The following CPLANE1 variants were observed in gnomAD, a reference collection of about 807,000 sequenced individuals.
The protein encoded by CPLANE1 is ciliogenesis and planar polarity effector 1.
CPLANE1 carries 263 observed loss-of-function variants against 362.5 expected under a neutral mutation model. The ratio of observed to expected loss-of-function variants is 0.73; its 90% CI spans 0.66 to 0.80. The LOEUF is 0.80. CPLANE1 is among the 30% of genes least tolerant of loss of function. The pLI is 0.00. For synonymous variants in CPLANE1, 1,212 were observed against 1,302.6 expected, an observed-to-expected ratio of 0.93 and a Z score of 1.50; for missense variants, 3,461 against 3,793.4, an observed-to-expected ratio of 0.91 and a Z score of 2.30.
chr5:37,244,550 A>AAGAAT lies in CPLANE1; in HGVS notation c.394_395insATTCT (p.Ile132AsnfsTer3). On this transcript the variant is annotated frameshift_variant, in exon 5 of 53. Coordinates refer to ENST00000651892, the MANE Select transcript of CPLANE1 (RefSeq NM_001384732.1). The stretch of plus-strand genomic sequence containing the variant: ...AAGAAATATGCATCCAGAAGGTGTT[A>AAGAAT]TGAGCACAATTCTTTTCCCATTTCC... 1 of 1,551,768 alleles carries AAGAAT rather than the reference A, an allele frequency of 6.4e-7. No homozygotes were observed. The highest frequency in any genetic ancestry group is 8.7e-7 in the Non-Finnish European group (1 of 1,146,992).
chr5:37,220,633 C>T (rs1462172870), intron 15 of CPLANE1, among the ~76,000 whole-genome samples: 2 of 152,032 alleles, frequency 1.3e-5, no homozygotes, highest in Admixed American at 1.3e-4. Flanking sequence ...AGGTTCATGC[C>T]ATTCTCCTGC....
the CPLANE1 span, among the ~76,000 whole-genome samples, chr5:37,087,394 G>A: frequency 6.6e-6 from 1 of 152,126 alleles, no homozygotes; most frequent in African/African-American, 2.4e-5. Context: ...ATAACAGAGA[G>A]GAAATGGAGG....
chr5:37,241,158 TA>T (rs1025850017), intron 6 of CPLANE1, among the ~76,000 whole-genome samples: 1 of 149,936 alleles, frequency 6.7e-6, no homozygotes, highest in African/African-American at 2.5e-5. Flanking sequence ...AAATAAAAAA[TA>T]AAATGTAGAG....
chr5:37,160,973 T>C (rs1050805780), intron 38 of CPLANE1, among the ~76,000 whole-genome samples: 2 of 152,164 alleles, frequency 1.3e-5, no homozygotes, highest in African/African-American at 4.8e-5. Context: ...GCCCAGCCTA[T>C]AATTACTTTT....
rs1799661676 is a variant in CPLANE1, at chr5:37,238,932, A to G, written c.863T>C (p.Leu288Pro). The change falls in exon 8 of 53, where the codon CTG becomes CCG. Residue 288 changes from leucine (L) to proline (P), a missense_variant. By Grantham distance (98) the Leu-to-Pro change is moderately conservative. Coordinates refer to ENST00000651892, the MANE Select transcript of CPLANE1 (RefSeq NM_001384732.1). ...GCTACCACAGAGAGTAACAAAATTCAGTGTGTTTATAAATAATACCTGAGT... is the reference window on the plus strand; with the variant it reads ...GCTACCACAGAGAGTAACAAAATTCGGTGTGTTTATAAATAATACCTGAGT... Reference protein sequence around the residue: ...KATQVLFINTLNFVTLCGSLK... With the variant: ...KATQVLFINTPNFVTLCGSLK... 1 of 1,530,676 alleles carries G rather than the reference A, an allele frequency of 6.5e-7. No individual in the cohort carries two copies. The highest frequency in any genetic ancestry group is 8.8e-7 in the Non-Finnish European group (1 of 1,139,424). The allele number at this position is 1,530,676 out of a possible 1,614,324, so 94.8% of individuals were successfully genotyped here.
In CPLANE1 at chr5:37,177,473, A is replaced by G. The variant is rs1781493090; in HGVS notation, c.5900+148T>C. ...AGAAGTATAACATTTACCAAAAATC[A>G]TTTTACCATAACTATAAACTGAAGT... On this transcript the variant is annotated intron_variant, in intron 30 of 52. Coordinates refer to ENST00000651892, the MANE Select transcript of CPLANE1 (RefSeq NM_001384732.1). 5.1e-5 allele frequency: 32 copies of G among 632,588 alleles called. No homozygotes were observed. The South Asian group carries it at 6.0e-4, about 12-fold the overall frequency. 39.2% of individuals were successfully genotyped at this position (632,588 alleles called of 1,614,324 possible).
chr5:37,186,849 G>A (rs1784130989), intron 23 of CPLANE1, among the ~76,000 whole-genome samples: 1 of 152,010 alleles, frequency 6.6e-6, no homozygotes, highest in African/African-American at 2.4e-5. Context: ...CACGAGGTCA[G>A]GAGATCAAGA....
the CPLANE1 span, among the ~76,000 whole-genome samples, chr5:37,087,168 C>T: frequency 2.6e-5 from 4 of 152,206 alleles, no homozygotes; most frequent in East Asian, 3.9e-4. Context: ...AAAGAAGGCA[C>T]GCTAGATGTA....
At chr5:37,185,835 T>C (rs1783830750) in intron 24 of CPLANE1, among the ~76,000 whole-genome samples, 1 of 152,232 alleles carries the variant, frequency 6.6e-6, no homozygotes, top group Admixed American at 6.5e-5. Context: ...GTAAGAAATG[T>C]GTGTATTCTA....
chr5:37,201,545 C>A (rs191941400), intron 19 of CPLANE1, 46 bp downstream of exon 19: 233 of 1,476,770 alleles, frequency 1.6e-4, no homozygotes, highest in Non-Finnish European at 2.0e-4. Flanking sequence ...AAAAACTTGA[C>A]AAAATCAACT....
At chr5:37,221,023 AAAAC>A (rs1389835007) in intron 15 of CPLANE1, among the ~76,000 whole-genome samples, 1 of 152,214 alleles carries the variant, frequency 6.6e-6, no homozygotes, top group Admixed American at 6.5e-5. Context: ...CTAAGATTTA[AAAAC>A]AAACAAACAA....
At chr5:37,139,238 A>G in intron 45 of CPLANE1, 102 bp downstream of exon 45, 2 of 1,161,644 alleles carry the variant, frequency 1.7e-6, no homozygotes, top group Non-Finnish European at 2.4e-6. Context: ...TTTAAACCAC[A>G]AAGATATATA....
intron 44 of CPLANE1, chr5:37,141,703 A>G (rs1769770769): frequency 2.0e-6 from 2 of 984,412 alleles, no homozygotes; most frequent in Non-Finnish European, 2.4e-6. Flanking sequence ...AGCCACTGTC[A>G]GTGATTGAAC....
chr5:37,243,012 C>G lies in CPLANE1; in HGVS notation c.677+1G>C, dbSNP rs1414913269. The G allele has an allele frequency of 6.6e-6, 10 of 1,520,018 alleles. No individual in the cohort carries two copies. The highest frequency in any genetic ancestry group is 8.0e-6 in the Non-Finnish European group (9 of 1,127,256). The allele number at this position is 1,520,018 out of a possible 1,614,324, so 94.2% of individuals were successfully genotyped here. A position where few individuals can be genotyped will look rare whatever the true frequency, so the allele number is the denominator to read the frequency against. On this transcript the variant is annotated splice_donor_variant, in intron 6 of 52. Transcript: ENST00000651892. LOFTEE classifies it high-confidence loss of function. ...AAGGAAGAAGAAAACATTTACCTCA[C>G]CTTACAGATGTAAATACATTCTCAT...
rs189977935 is a variant in CPLANE1 at position 37,206,966 on chromosome 5, G to T, written c.2921-541C>A. 5.9e-5 allele frequency among the ~76,000 whole-genome samples: 9 copies of T among 152,048 alleles called. No individual in the cohort carries two copies. In the East Asian group the frequency reaches 1.7e-3, roughly 29 times the overall value. ...TTATGCAATAAAAGACTAAGTTGAG[G>T]TAACAATGAAGCATATTAAGTGTCA... On this transcript the variant is annotated intron_variant, in intron 16 of 52. Transcript: ENST00000651892.
intron 43 of CPLANE1, among the ~76,000 whole-genome samples, chr5:37,143,068 GACTT>G: frequency 6.6e-6 from 1 of 152,184 alleles, no homozygotes; most frequent in Non-Finnish European, 1.5e-5. Context: ...TCAACACCCT[GACTT>G]GCCACAAGCA....
chr5:37,211,015 C>G, intron 16 of CPLANE1: 1 of 797,210 alleles, frequency 1.3e-6, no homozygotes, highest in South Asian at 1.3e-5. Context: ...CAAACTCAGA[C>G]AGCCCTAGAG....
intron 51 of CPLANE1, among the ~76,000 whole-genome samples, chr5:37,109,681 G>A (rs189281621): frequency 1.3e-4 from 20 of 152,224 alleles, no homozygotes; most frequent in East Asian, 1.9e-4. Flanking sequence ...TTTTTGAGAC[G>A]GAATCTCACT....
At chr5:37,239,946 A>G (rs1355244002) in intron 6 of CPLANE1, 77 bp from the exon 7 acceptor site, 8 of 1,063,374 alleles carry the variant, frequency 7.5e-6, no homozygotes, top group Non-Finnish European at 1.0e-5. Context: ...TACAAAAATT[A>G]AAGGATCCAT....
Sources: allele counts gnomAD v4.1 joint callset (sites outside exome capture counted in the v4.1 genomes callset), GRCh38; gene constraint gnomAD v4.1.1; transcripts MANE v1.5; gene names NCBI Gene and HGNC (gene_info 2026-07-23, HGNC 2026-07-21).